The following SLC7A14 variants were observed in gnomAD, a reference collection of about 807,000 sequenced individuals.
SLC7A14 encodes the protein gamma-aminobutyric acid transporter SLC7A14.
In SLC7A14, 37 loss-of-function variants were observed where a neutral mutation model predicts 60.2. The ratio of observed to expected loss-of-function variants is 0.61; its 90% CI spans 0.47 to 0.81. SLC7A14 has a LOEUF of 0.81. SLC7A14 is among the 30% of genes least tolerant of loss of function. SLC7A14 has a pLI of 0.00. For missense variants in SLC7A14, 886 were observed against 982.7 expected, an observed-to-expected ratio of 0.90 and a Z score of 1.32; for synonymous variants, 399 against 395.8, an observed-to-expected ratio of 1.01 and a Z score of -0.10.
intron 1 of SLC7A14, among the ~76,000 whole-genome samples, chr3:170,531,532 C>T (rs1014730114): frequency 1.3e-5 from 2 of 152,196 alleles, no homozygotes; most frequent in Non-Finnish European, 2.9e-5. Flanking sequence ...ATTCTCTTCA[C>T]GCAATTCCCC....
chr3:170,494,958 A>G (rs1476894601), intron 4 of SLC7A14, among the ~76,000 whole-genome samples: 1 of 152,222 alleles, frequency 6.6e-6, no homozygotes. Flanking sequence ...CCAGCCCCAG[A>G]GCTGACTAAG....
chr3:170,509,267 C>T lies in SLC7A14; in HGVS notation c.305-7922G>A, dbSNP rs146777015. On this transcript the variant is annotated intron_variant, in intron 2 of 7. Transcript: ENST00000231706. ...CTTATGATTTCTCTGCCCAAGCAGG[C>T]GCCAGGTGGACAGTAACCACCTGTG... Among the ~76,000 whole-genome samples, 1,007 of 152,268 alleles carry T rather than the reference C, an allele frequency of 6.6e-3. 8 individuals are homozygous for T. The highest frequency in any genetic ancestry group is 0.023 in the African/African-American group (943 of 41,544).
At position 170,527,028 on chromosome 3, in the gene SLC7A14, G is replaced by T; in HGVS notation, c.-92C>A. ...TTCTGGAACTCATCTAGTGAACAGG[G>T]ATCTCCCTTTTAGGAAAGGCCCAGA... On this transcript the variant is annotated 5_prime_UTR_variant, in exon 2 of 8. Transcript: ENST00000231706. 2.2e-6 allele frequency: 3 copies of T among 1,384,838 alleles called. No homozygotes were observed. Among genetic ancestry groups the T allele is most frequent in the Non-Finnish European group, 2.9e-6 (3 of 1,032,526 alleles). 85.8% of individuals were successfully genotyped at this position (1,384,838 alleles called of 1,614,324 possible).
chr3:170,562,692 T>A (rs1029094406), intron 1 of SLC7A14, among the ~76,000 whole-genome samples: 9 of 152,178 alleles, frequency 5.9e-5, no homozygotes, highest in Non-Finnish European at 1.3e-4. Flanking sequence ...GAGGCAGCAA[T>A]GAGATTTCCC....
At chr3:170,546,160 T>G (rs1714175204) in intron 1 of SLC7A14, among the ~76,000 whole-genome samples, 1 of 152,218 alleles carries the variant, frequency 6.6e-6, no homozygotes, top group South Asian at 2.1e-4. Context: ...TGATCTTATC[T>G]CAGCTGGAGA....
At chr3:170,468,374 T>C (rs1156863813) in intron 7 of SLC7A14, among the ~76,000 whole-genome samples, 2 of 152,086 alleles carry the variant, frequency 1.3e-5, no homozygotes, top group Non-Finnish European at 1.5e-5. Context: ...CTCGGCTCAC[T>C]GCAGTCTCTG....
At chr3:170,484,467 C>T (rs1335294126) in intron 5 of SLC7A14, among the ~76,000 whole-genome samples, 1 of 152,244 alleles carries the variant, frequency 6.6e-6, no homozygotes, top group East Asian at 1.9e-4. Flanking sequence ...TGCCTAACAT[C>T]CCTGCCTTCA....
chr3:170,528,684 A>G (rs1713584278), intron 1 of SLC7A14, among the ~76,000 whole-genome samples: 1 of 152,196 alleles, frequency 6.6e-6, no homozygotes, highest in Non-Finnish European at 1.5e-5. Flanking sequence ...TTTATTCTTG[A>G]CAACACCTTA....
rs370068187 is a variant in SLC7A14, at chr3:170,560,287, G to A, written c.-153+25624C>T. On this transcript the variant is annotated intron_variant, in intron 1 of 7. Coordinates refer to ENST00000231706, the MANE Select transcript of SLC7A14 (RefSeq NM_020949.3). The stretch of plus-strand genomic sequence containing the variant: ...AAACTGAACTTAAAAGATAGGGGGA[G>A]GAAAGAAAGAAAGAAAAGCCAGAGA... Among the ~76,000 whole-genome samples, 19 of 151,942 alleles carry A rather than the reference G, an allele frequency of 1.3e-4. 1 individual carries two copies. The highest frequency in any genetic ancestry group is 1.0e-3 in the Admixed American group (16 of 15,256).
chr3:170,480,610 T>C lies in SLC7A14; in HGVS notation c.1672A>G (p.Thr558Ala). The change falls in exon 7 of 8, where the codon ACA (threonine) becomes GCA (alanine). Residue 558 changes from threonine to alanine, a missense_variant. Thr to Ala is a moderately conservative substitution (Grantham distance 58). Transcript: ENST00000231706. ...LGLPGKMDRP[T>A]AATGHTVTIC... is the part of the protein sequence containing the mutation. ...GTCACCGTGTGCCCCGTCGCTGCTGTGGGCCGGTCCATTTTGCCTGGAAGG... is the reference window on the plus strand; with the variant it reads ...GTCACCGTGTGCCCCGTCGCTGCTGCGGGCCGGTCCATTTTGCCTGGAAGG... The C allele has an allele frequency of 6.2e-7, 1 of 1,614,244 alleles. No homozygotes were observed. The highest frequency in any genetic ancestry group is 8.5e-7 in the Non-Finnish European group (1 of 1,180,040).
In SLC7A14 at chr3:170,524,353, C is replaced by T. The variant is rs572610042; in HGVS notation, c.304+2280G>A. Among the ~76,000 whole-genome samples the T allele has an allele frequency of 4.6e-5, 7 of 152,328 alleles. No homozygotes were observed. The South Asian group carries it at 1.2e-3, about 27-fold the overall frequency. ...ACAGTCTGGACCAATTTCAGGCTCT[C>T]CATGTGAGCAGTGGAAAAGTCTAGA... On this transcript the variant is annotated intron_variant, in intron 2 of 7. Coordinates refer to ENST00000231706, the MANE Select transcript of SLC7A14 (RefSeq NM_020949.3).
chr3:170,510,896 T>A (rs937011925), intron 2 of SLC7A14, among the ~76,000 whole-genome samples: 1 of 152,246 alleles, frequency 6.6e-6, no homozygotes, highest in East Asian at 1.9e-4. Flanking sequence ...CTAGACTCAC[T>A]GTACGTGGTT....
intron 2 of SLC7A14, among the ~76,000 whole-genome samples, chr3:170,518,483 C>T (rs1376316639): frequency 1.3e-5 from 2 of 152,128 alleles, no homozygotes; most frequent in African/African-American, 4.8e-5. Flanking sequence ...ACTAGGACTT[C>T]ATATCTCCTG....
At chr3:170,507,746 G>A (rs150596487) in intron 2 of SLC7A14, among the ~76,000 whole-genome samples, 34 of 152,284 alleles carry the variant, frequency 2.2e-4, no homozygotes, top group East Asian at 2.1e-3. Flanking sequence ...TCTCTTAGTT[G>A]TAGAACTCTA....
intron 1 of SLC7A14, among the ~76,000 whole-genome samples, chr3:170,543,520 A>G (rs1032962362): frequency 2.0e-5 from 3 of 151,722 alleles, no homozygotes; most frequent in Non-Finnish European, 4.4e-5. Context: ...GTGGTGGCGC[A>G]TGCTTGTAAT....
chr3:170,532,687 T>G lies in SLC7A14; in HGVS notation c.-152-5599A>C, dbSNP rs1480985493. On this transcript the variant is annotated intron_variant, in intron 1 of 7. Transcript: ENST00000231706. The surrounding 1 kb of genome is among the most constrained non-coding windows in gnomAD (Gnocchi z 4.0). ...TGACCAGGTGTTTTTTTTTTTTTGT[T>G]GTTGTTGTTCCCTGCTACTGACACC... Among the ~76,000 whole-genome samples, 4 of 151,776 alleles carry G rather than the reference T, an allele frequency of 2.6e-5. No homozygotes were observed. Among genetic ancestry groups the G allele is most frequent in the Non-Finnish European group, 5.9e-5 (4 of 67,906 alleles).
intron 4 of SLC7A14, 88 bp downstream of exon 4, chr3:170,498,579 G>A (rs1179829953): frequency 8.3e-7 from 1 of 1,200,694 alleles, no homozygotes; most frequent in Non-Finnish European, 1.2e-6. Context: ...GAACAGAACA[G>A]CATTTTCTTG....
At chr3:170,479,244 GT>G (rs1359308706) in intron 7 of SLC7A14, among the ~76,000 whole-genome samples, 2 of 152,162 alleles carry the variant, frequency 1.3e-5, no homozygotes, top group Non-Finnish European at 2.9e-5. Flanking sequence ...TTTAGGCAGG[GT>G]TTACTCTTCT....
intron 1 of SLC7A14, among the ~76,000 whole-genome samples, chr3:170,572,726 T>C: frequency 6.6e-6 from 1 of 152,236 alleles, no homozygotes. Flanking sequence ...GGCATATTTC[T>C]GTTGTCTATA....
Sources: gnomAD v4.1 joint callset for allele counts (sites outside exome capture counted in the v4.1 genomes callset) on GRCh38, gnomAD v4.1.1 for gene constraint, Gnocchi (gnomAD v3.1) non-coding constraint, MANE v1.5 for transcripts, NCBI Gene and HGNC (gene_info 2026-07-23, HGNC 2026-07-21) for gene names.